The following GRIK2 variants were observed in gnomAD, a reference collection of about 807,000 sequenced individuals.
GRIK2 encodes glutamate ionotropic receptor kainate type subunit 2, also known as glutamate receptor ionotropic, kainate 2.
Under a neutral mutation model 100.3 loss-of-function variants are expected in GRIK2, and 32 were observed. The ratio of observed to expected loss-of-function variants is 0.32; its 90% CI spans 0.24 to 0.43. The LOEUF (loss-of-function observed/expected upper bound fraction) is 0.43, where lower values mean the gene tolerates loss of function less well. Ranked by LOEUF, GRIK2 falls within the 20% of genes least tolerant of loss-of-function variation. The pLI, the probability that GRIK2 is intolerant of heterozygous loss-of-function variation, is 1.00. For missense variants in GRIK2, 843 were observed against 1,114.9 expected, an observed-to-expected ratio of 0.76 and a Z score of 3.47; for synonymous variants, 417 against 389.4, an observed-to-expected ratio of 1.07 and a Z score of -0.83.
At chr6:101,810,804 A>T (rs1045774397) in intron 9 of GRIK2, among the ~76,000 whole-genome samples, 2 of 152,056 alleles carry the variant, frequency 1.3e-5, no homozygotes, top group African/African-American at 4.8e-5. Context: ...GGAAAACAAA[A>T]GTCTCTAATT....
chr6:101,802,994 T>G (rs1390207280), intron 9 of GRIK2, among the ~76,000 whole-genome samples: 2 of 151,878 alleles, frequency 1.3e-5, no homozygotes, highest in Non-Finnish European at 1.5e-5. Flanking sequence ...TGTGGGTATG[T>G]GCCTACTTAA....
At chr6:101,955,609 T>C (rs1285719308) in intron 14 of GRIK2, among the ~76,000 whole-genome samples, 2 of 122,418 alleles carry the variant, frequency 1.6e-5, no homozygotes, top group Non-Finnish European at 3.7e-5. Flanking sequence ...TCTCTCTCTC[T>C]CTCTCTCCCC....
chr6:101,673,074 AAT>A (rs1421532087), intron 4 of GRIK2, among the ~76,000 whole-genome samples: 1 of 152,154 alleles, frequency 6.6e-6, no homozygotes, highest in African/African-American at 2.4e-5. Context: ...ACTTTTTAAT[AAT>A]AGTCATTCTG....
chr6:101,940,735 G>T (rs1213015666), intron 14 of GRIK2, among the ~76,000 whole-genome samples: 1 of 152,032 alleles, frequency 6.6e-6, no homozygotes, highest in African/African-American at 2.4e-5. Context: ...ACTCTTCCAA[G>T]AAATTTTACT....
intron 10 of GRIK2, among the ~76,000 whole-genome samples, chr6:101,847,369 A>G (rs1030108708): frequency 1.3e-5 from 2 of 152,072 alleles, no homozygotes; most frequent in African/African-American, 2.4e-5. Context: ...TTTAAACAGT[A>G]TAATATTGCA....
intron 11 of GRIK2, among the ~76,000 whole-genome samples, chr6:101,871,860 G>C (rs958577920): frequency 6.6e-6 from 1 of 151,744 alleles, no homozygotes; most frequent in Non-Finnish European, 1.5e-5. Flanking sequence ...GTATCTCTTT[G>C]GTAGAACAAT....
intron 7 of GRIK2, among the ~76,000 whole-genome samples, chr6:101,759,332 C>A (rs926105870): frequency 3.3e-5 from 5 of 152,036 alleles, no homozygotes; most frequent in Non-Finnish European, 5.9e-5. Context: ...TTTTTATTTT[C>A]CTTTTTTTGT....
chr6:101,864,769 A>G (rs1434000786), intron 11 of GRIK2, among the ~76,000 whole-genome samples: 1 of 152,170 alleles, frequency 6.6e-6, no homozygotes, highest in African/African-American at 2.4e-5. Flanking sequence ...TTGAACCATG[A>G]TTATATTTAA....
At chr6:102,049,188 A>G (rs1323370373) in intron 15 of GRIK2, among the ~76,000 whole-genome samples, 1 of 152,120 alleles carries the variant, frequency 6.6e-6, no homozygotes, top group Admixed American at 6.6e-5. Context: ...ATGGAGCAAT[A>G]GATGAAAAAG....
chr6:101,644,221 G>T (rs760053731), intron 4 of GRIK2, among the ~76,000 whole-genome samples: 10 of 151,804 alleles, frequency 6.6e-5, no homozygotes, highest in Non-Finnish European at 1.2e-4. Context: ...AAGTGTTATG[G>T]CAAACTGGAA....
intron 9 of GRIK2, among the ~76,000 whole-genome samples, chr6:101,813,792 A>G (rs999965053): frequency 6.6e-6 from 1 of 151,834 alleles, no homozygotes; most frequent in African/African-American, 2.4e-5. Flanking sequence ...GGTGAAACCC[A>G]TCTTTTCTAA....
chr6:101,707,594 G>GTATATATATATATATATATATATA (rs1193552049), intron 7 of GRIK2, among the ~76,000 whole-genome samples: 1 of 106,126 alleles, frequency 9.4e-6, no homozygotes, highest in Non-Finnish European at 1.9e-5. Flanking sequence ...GTGTGTGTGT[G>GTATATATATATATATATATATATA]TATATATGTG....
At chr6:101,545,000 T>C (rs959338242) in intron 2 of GRIK2, among the ~76,000 whole-genome samples, 1 of 152,208 alleles carries the variant, frequency 6.6e-6, no homozygotes, top group African/African-American at 2.4e-5. Flanking sequence ...TCGCCACATA[T>C]ATTTTCTATT....
At chr6:101,598,418 T>G (rs1270217450) in intron 2 of GRIK2, among the ~76,000 whole-genome samples, 2 of 151,588 alleles carry the variant, frequency 1.3e-5, no homozygotes, top group Non-Finnish European at 2.9e-5. Context: ...CTTTATTAGC[T>G]TTGTAATCTT....
intron 12 of GRIK2, among the ~76,000 whole-genome samples, chr6:101,896,805 T>C (rs1341351631): frequency 6.6e-6 from 1 of 151,736 alleles, no homozygotes; most frequent in Admixed American, 6.6e-5. Flanking sequence ...TTTGTTTCCA[T>C]TTAGAAGTTT....
chr6:101,430,198 T>C (rs1047301459), intron 2 of GRIK2, among the ~76,000 whole-genome samples: 2 of 152,212 alleles, frequency 1.3e-5, no homozygotes, highest in Non-Finnish European at 2.9e-5. Context: ...AAATCCAAGA[T>C]ACATACAGGG....
At chr6:101,977,943 A>AAGTT (rs1793491653) in intron 14 of GRIK2, among the ~76,000 whole-genome samples, 1 of 151,980 alleles carries the variant, frequency 6.6e-6, no homozygotes, top group Non-Finnish European at 1.5e-5. Flanking sequence ...GGACTGAACA[A>AAGTT]AGTTATTCTT....
At chr6:101,761,789 C>T (rs528005180) in intron 7 of GRIK2, among the ~76,000 whole-genome samples, 75 of 145,364 alleles carry the variant, frequency 5.2e-4, no homozygotes, top group African/African-American at 1.2e-3. Context: ...CCCTCCCTCC[C>T]TCCCTTCCTT....
chr6:101,765,216 C>T (rs539275084), intron 7 of GRIK2, among the ~76,000 whole-genome samples: 20 of 152,226 alleles, frequency 1.3e-4, no homozygotes, highest in African/African-American at 4.3e-4. Context: ...TCAGTTTTAG[C>T]ATTTATTCAC....
Sources: allele counts gnomAD v4.1 joint callset (sites outside exome capture counted in the v4.1 genomes callset), GRCh38; gene constraint gnomAD v4.1.1; transcripts MANE v1.5; gene names NCBI Gene and HGNC (gene_info 2026-07-23, HGNC 2026-07-21).